The following PTPRM variants were observed in gnomAD, a reference collection of about 807,000 sequenced individuals.
PTPRM encodes the protein receptor-type tyrosine-protein phosphatase mu.
Under a neutral mutation model 186.7 loss-of-function variants are expected in PTPRM, and 47 were observed. That is an observed-to-expected ratio of 0.25 (90% CI 0.20 to 0.32). The LOEUF (loss-of-function observed/expected upper bound fraction) is 0.32. Ranked by LOEUF, PTPRM falls within the 10% of genes least tolerant of loss-of-function variation. The pLI is 1.00. For missense variants in PTPRM, 1,494 were observed against 1,865.0 expected, an observed-to-expected ratio of 0.80 and a Z score of 3.66; for synonymous variants, 668 against 674.9, an observed-to-expected ratio of 0.99 and a Z score of 0.16.
intron 2 of PTPRM, among the ~76,000 whole-genome samples, chr18:7,875,110 C>T (rs933457644): frequency 1.3e-5 from 2 of 152,016 alleles, no homozygotes; most frequent in African/African-American, 4.8e-5. Flanking sequence ...GCAGGAGAAT[C>T]ACCTGAACCC....
chr18:7,888,547 G>A (rs1200437858), intron 3 of PTPRM, among the ~76,000 whole-genome samples, 170 bp downstream of exon 3: 1 of 152,170 alleles, frequency 6.6e-6, no homozygotes, highest in Non-Finnish European at 1.5e-5. Context: ...AATTAGTTCA[G>A]CCCCTTTGTA....
intron 13 of PTPRM, among the ~76,000 whole-genome samples, chr18:8,142,661 C>CA (rs1270074338): frequency 6.6e-6 from 1 of 152,110 alleles, no homozygotes; most frequent in African/African-American, 2.4e-5. Context: ...TTTACCAACA[C>CA]AAAAAGAAAA....
chr18:7,658,270 A>C (rs2144351838), intron 1 of PTPRM, among the ~76,000 whole-genome samples: 1 of 150,332 alleles, frequency 6.7e-6, no homozygotes, highest in African/African-American at 2.4e-5. Flanking sequence ...CTCCAGCATG[A>C]TCCCTAGAAA....
rs186955486 is a variant in PTPRM at position 8,293,064 on chromosome 18, G to A, written c.2755-3304G>A. ...GGGACAGCTCATGTCCTCTCCTCCA[G>A]TGAGGATCAGGTGAGAGGATGGACT... is the stretch of plus-strand genomic sequence containing the variant. On this transcript the variant is annotated intron_variant, in intron 19 of 32. Coordinates refer to ENST00000580170, the MANE Select transcript of PTPRM (RefSeq NM_001105244.2). 3.1e-3 allele frequency among the ~76,000 whole-genome samples: 474 copies of A among 152,226 alleles called. 2 individuals are homozygous for A. Among genetic ancestry groups the A allele is most frequent in the Non-Finnish European group, 4.9e-3 (332 of 68,014 alleles).
At position 7,894,955 on chromosome 18, in the gene PTPRM, A is replaced by G. The variant is rs180860873; in HGVS notation, c.468+6578A>G. On this transcript the variant is annotated intron_variant, in intron 3 of 32. Coordinates refer to ENST00000580170, the MANE Select transcript of PTPRM (RefSeq NM_001105244.2). ...ATACTTCATGCAGTACTTTATTTCT[A>G]TAAGCAAATTTCACACTAGTAAGTA... Among the ~76,000 whole-genome samples, 12 of 152,350 alleles carry G rather than the reference A, an allele frequency of 7.9e-5. No homozygotes were observed. The East Asian group carries it at 1.9e-3, about 24-fold the overall frequency.
chr18:7,935,040 GAA>G (rs141559235), intron 5 of PTPRM, among the ~76,000 whole-genome samples: 1 of 151,778 alleles, frequency 6.6e-6, no homozygotes, highest in African/African-American at 2.4e-5. Context: ...TGATTATAAG[GAA>G]AAAAATCACA....
At chr18:8,138,358 C>T (rs2092686524) in intron 13 of PTPRM, among the ~76,000 whole-genome samples, 3 of 152,022 alleles carry the variant, frequency 2.0e-5, no homozygotes, top group Admixed American at 2.0e-4. Flanking sequence ...CACTGGCCCA[C>T]CTTCCCCTTC....
intron 11 of PTPRM, among the ~76,000 whole-genome samples, chr18:8,108,933 G>A (rs16952891): frequency 0.023 from 3,481 of 152,230 alleles, 123 homozygotes; most frequent in African/African-American, 0.08. Context: ...GGCAGCATGG[G>A]CAACTCATTA....
At chr18:7,842,943 T>TAGAGAGAGAGAGAG (rs1483845377) in intron 2 of PTPRM, among the ~76,000 whole-genome samples, 1 of 119,824 alleles carries the variant, frequency 8.3e-6, no homozygotes, top group East Asian at 3.5e-4. Flanking sequence ...TATATATATA[T>TAGAGAGAGAGAGAG]ATATAGAGAG....
At chr18:7,816,973 T>TA (rs1180764474) in intron 2 of PTPRM, among the ~76,000 whole-genome samples, 1 of 123,868 alleles carries the variant, frequency 8.1e-6, no homozygotes, top group African/African-American at 3.3e-5. Context: ...GTTAGTTAAT[T>TA]AATTTTTTTT....
intron 14 of PTPRM, among the ~76,000 whole-genome samples, chr18:8,230,368 C>T (rs559665018): frequency 1.3e-5 from 2 of 152,328 alleles, no homozygotes; most frequent in South Asian, 2.1e-4. Context: ...ACTTTCACCT[C>T]AGTCAACAGC....
intron 1 of PTPRM, among the ~76,000 whole-genome samples, chr18:7,650,761 A>G (rs1049080411): frequency 6.6e-6 from 1 of 152,032 alleles, no homozygotes; most frequent in Admixed American, 6.6e-5. Context: ...GAAACATTAT[A>G]AAACACACAT....
chr18:8,140,340 T>C (rs1189288864), intron 13 of PTPRM, among the ~76,000 whole-genome samples: 2 of 152,104 alleles, frequency 1.3e-5, no homozygotes, highest in Non-Finnish European at 2.9e-5. Context: ...GCTGCTGTTA[T>C]TTAATTTAAT....
chr18:8,011,997 T>C (rs1387096936), intron 7 of PTPRM, among the ~76,000 whole-genome samples: 1 of 152,234 alleles, frequency 6.6e-6, no homozygotes, highest in Non-Finnish European at 1.5e-5. Flanking sequence ...CCCTCCTTTT[T>C]GTAGAGAAGA....
At chr18:8,099,799 C>A (rs1460217573) in intron 11 of PTPRM, among the ~76,000 whole-genome samples, 1 of 152,144 alleles carries the variant, frequency 6.6e-6, no homozygotes, top group African/African-American at 2.4e-5. Flanking sequence ...TAAGAGAACA[C>A]GTGGCACAGA....
intron 2 of PTPRM, among the ~76,000 whole-genome samples, chr18:7,795,810 CTTTTTTTTTT>C (rs397741769): frequency 4.2e-5 from 5 of 117,768 alleles, no homozygotes; most frequent in African/African-American, 1.3e-4. Flanking sequence ...TTCTTTCTTT[CTTTTTTTTTT>C]TTTTTTTTTA....
rs1600528119 is a variant in PTPRM at position 8,094,344 on chromosome 18, G to C, written c.1856+5493G>C. Among the ~76,000 whole-genome samples, 3 of 151,536 alleles carry C rather than the reference G, an allele frequency of 2.0e-5. No homozygotes were observed. In the South Asian group the frequency reaches 6.3e-4, roughly 32 times the overall value. On this transcript the variant is annotated intron_variant, in intron 11 of 32. Transcript: ENST00000580170. ...GCTGTGATTATGCACTCCAACTTGGGCAGCTGAGCCAGACCCTGTCTCAAA... is the reference window on the plus strand; with the variant it reads ...GCTGTGATTATGCACTCCAACTTGGCCAGCTGAGCCAGACCCTGTCTCAAA...
At chr18:8,249,509 T>C (rs978395909) in intron 17 of PTPRM, among the ~76,000 whole-genome samples, 1 of 152,222 alleles carries the variant, frequency 6.6e-6, no homozygotes, top group African/African-American at 2.4e-5. Flanking sequence ...AACAATGTAA[T>C]CTACATACAA....
chr18:7,806,619 T>TGTGCA (rs1202247877), intron 2 of PTPRM, among the ~76,000 whole-genome samples: 6 of 152,228 alleles, frequency 3.9e-5, no homozygotes, highest in African/African-American at 1.2e-4. Flanking sequence ...TGTATTATTT[T>TGTGCA]GTGCAGTGCA....
Sources: gnomAD v4.1 joint callset for allele counts (sites outside exome capture counted in the v4.1 genomes callset) on GRCh38, gnomAD v4.1.1 for gene constraint, MANE v1.5 for transcripts, NCBI Gene and HGNC (gene_info 2026-07-23, HGNC 2026-07-21) for gene names.